AGBL1: variants seen among roughly 807,000 people sequenced by gnomAD.
AGBL1 encodes the protein AGBL carboxypeptidase 1.
Under a neutral mutation model 118.9 loss-of-function variants are expected in AGBL1, and 130 were observed. That is an observed-to-expected ratio of 1.09 (90% CI 0.95 to 1.26). AGBL1 has a LOEUF of 1.26. AGBL1 is among the 50% of genes most tolerant of loss of function. AGBL1 has a pLI of 0.00. For synonymous variants in AGBL1, 555 were observed against 478.9 expected (o/e 1.16, Z -2.08); for missense variants, 1,584 against 1,298.1 (o/e 1.22, Z -3.38).
In AGBL1 at chr15:86,338,818, CGTGAGA is replaced by C. The variant is rs558300610; in HGVS notation, c.2374+43414_2374+43419del. On this transcript the variant is annotated intron_variant, in intron 17 of 22. Transcript: ENST00000614907. ...GCTTCCTGGACCATTGAAAAAGAGT[CGTGAGA>C]GTGGATCTCCTTGCTCTGCTCTCAA... Among the ~76,000 whole-genome samples the C allele has an allele frequency of 2.9e-3, 436 of 152,202 alleles. 3 individuals carry two copies. Among genetic ancestry groups the C allele is most frequent in the South Asian group, 0.024 (114 of 4,822 alleles).
At position 86,264,793 on chromosome 15, in the gene AGBL1, C is replaced by A. The variant is rs1186872800; in HGVS notation, c.1622C>A (p.Pro541His). 1 of 1,613,614 alleles carries A rather than the reference C, an allele frequency of 6.2e-7. No individual in the cohort carries two copies. Among genetic ancestry groups the A allele is most frequent in the East Asian group, 2.2e-5 (1 of 44,878 alleles). ...CCTGATGTCTGGGGACACTGTCCCC[C>A]TCCCACCACCCAGCCTATGTTGGAA... is the stretch of plus-strand genomic sequence containing the variant. The part of the protein sequence containing the change: ...AFPDVWGHCP[P>H]PTTQPMLERK... Residue 541 changes from proline to histidine, a missense_variant, in exon 11 of 23, where the codon CCT (proline) becomes CAT (histidine). Transcript: ENST00000614907.
intron 22 of AGBL1, among the ~76,000 whole-genome samples, chr15:86,761,475 G>T (rs2078023074): frequency 6.6e-6 from 1 of 152,074 alleles, no homozygotes; most frequent in Admixed American, 6.6e-5. Context: ...TGTAGGTACA[G>T]GGATACAGAA....
chr15:86,650,643 A>G (rs1206869946), intron 21 of AGBL1, among the ~76,000 whole-genome samples: 1 of 152,152 alleles, frequency 6.6e-6, no homozygotes, highest in Non-Finnish European at 1.5e-5. Flanking sequence ...TAAAAAGGAC[A>G]AAGAAAAAAA....
In AGBL1 at chr15:86,387,608, A is replaced by T. The variant is rs140169503; in HGVS notation, c.2375-9758A>T. On this transcript the variant is annotated intron_variant, in intron 17 of 22. Transcript: ENST00000614907. ...GTAGGAAAATATGTGTATTACTTACAATTTGTGAAGAAGCTGAAAAGATTT... is the reference window on the plus strand; with the variant it reads ...GTAGGAAAATATGTGTATTACTTACTATTTGTGAAGAAGCTGAAAAGATTT... Among the ~76,000 whole-genome samples, 864 of 152,340 alleles carry T rather than the reference A, an allele frequency of 5.7e-3. 6 individuals are homozygous for T. Among genetic ancestry groups the T allele is most frequent in the African/African-American group, 0.018 (741 of 41,572 alleles).
intron 17 of AGBL1, among the ~76,000 whole-genome samples, chr15:86,392,685 A>T (rs1404706739): frequency 1.3e-5 from 2 of 152,164 alleles, no homozygotes; most frequent in African/African-American, 2.4e-5. Flanking sequence ...GATATCTCTT[A>T]GGCATTATTC....
chr15:86,489,807 GT>G (rs1567021323), intron 18 of AGBL1, among the ~76,000 whole-genome samples: 2 of 152,094 alleles, frequency 1.3e-5, no homozygotes, highest in African/African-American at 2.4e-5. Flanking sequence ...AGAGACATTC[GT>G]TCAGCAGGGG....
Position 86,134,603 on chromosome 15 carries a change from C to T in AGBL1, c.52-7401C>T, listed in dbSNP as rs74527393. Among the ~76,000 whole-genome samples the T allele has an allele frequency of 9.4e-3, 1,077 of 114,266 alleles. 24 individuals carry two copies. The highest frequency in any genetic ancestry group is 0.039 in the East Asian group (111 of 2,848). The allele number at this position is 114,266 out of a possible 152,430, so 75.0% of individuals were successfully genotyped here. On this transcript the variant is annotated intron_variant, in intron 1 of 22. Transcript: ENST00000614907. The stretch of plus-strand genomic sequence containing the variant: ...TTAAGACTGTGATGGATCAATGGTG[C>T]CTTTTTTTTTTTTTTTTTTTTTTTT...
chr15:86,743,171 ATTAT>A (rs2077703822), intron 22 of AGBL1, among the ~76,000 whole-genome samples: 1 of 152,100 alleles, frequency 6.6e-6, no homozygotes, highest in Non-Finnish European at 1.5e-5. Flanking sequence ...ATTTTTTTAA[ATTAT>A]TTATTTCGAT....
At chr15:86,513,280 T>C (rs1361908717) in intron 18 of AGBL1, among the ~76,000 whole-genome samples, 1 of 151,974 alleles carries the variant, frequency 6.6e-6, no homozygotes, top group Non-Finnish European at 1.5e-5. Context: ...TGAAGAGTAC[T>C]GGTGAGTTAT....
intron 18 of AGBL1, among the ~76,000 whole-genome samples, chr15:86,520,636 A>C (rs76994900): frequency 1.1e-3 from 168 of 152,310 alleles, no homozygotes; most frequent in African/African-American, 3.7e-3. Context: ...GCTGCTGGAC[A>C]CATGTATGCT....
intron 23 of AGBL1, chr15:86,935,046 G>A (rs1475205009): frequency 6.6e-6 from 1 of 152,074 alleles, no homozygotes; most frequent in Non-Finnish European, 1.5e-5. Context: ...CTGCAGCTGG[G>A]GTCACCTTGG....
chr15:86,322,527 T>C (rs2080119842), intron 17 of AGBL1, among the ~76,000 whole-genome samples: 1 of 152,168 alleles, frequency 6.6e-6, no homozygotes, highest in Non-Finnish European at 1.5e-5. Flanking sequence ...TTAGATTATG[T>C]CTTTGGAGGT....
At chr15:86,229,076 T>G (rs986040465) in intron 6 of AGBL1, among the ~76,000 whole-genome samples, 1 of 152,204 alleles carries the variant, frequency 6.6e-6, no homozygotes, top group Non-Finnish European at 1.5e-5. Context: ...TCCAAACACA[T>G]TTAGCTTTTT....
chr15:86,565,870 C>T (rs1031954460), intron 21 of AGBL1, among the ~76,000 whole-genome samples: 6 of 152,202 alleles, frequency 3.9e-5, no homozygotes, highest in African/African-American at 1.2e-4. Flanking sequence ...CCTTGCAGTT[C>T]GATCTCAGAC....
At chr15:86,527,568 C>A (rs946088723) in intron 19 of AGBL1, among the ~76,000 whole-genome samples, 6 of 152,144 alleles carry the variant, frequency 3.9e-5, no homozygotes, top group Non-Finnish European at 2.9e-5. Context: ...CGCTGCCACT[C>A]ACTCAGCACT....
intron 22 of AGBL1, among the ~76,000 whole-genome samples, chr15:86,693,372 A>C (rs1459790452): frequency 6.6e-6 from 1 of 151,810 alleles, no homozygotes; most frequent in Non-Finnish European, 1.5e-5. Flanking sequence ...GCATTTTTTC[A>C]TATGTTTGTT....
intron 18 of AGBL1, among the ~76,000 whole-genome samples, chr15:86,462,474 C>T (rs758021695): frequency 5.3e-5 from 8 of 151,880 alleles, no homozygotes; most frequent in African/African-American, 1.7e-4. Context: ...CTGGGATACA[C>T]GTGCAGAATG....
At chr15:86,682,908 T>G (rs17685163) in intron 22 of AGBL1, among the ~76,000 whole-genome samples, 58,000 of 152,020 alleles carry the variant, frequency 0.38, 13,474 homozygotes, top group Non-Finnish European at 0.54. Flanking sequence ...TAACATTCCC[T>G]TTTTACCAAC....
chr15:86,761,498 A>G (rs2078023419), intron 22 of AGBL1, among the ~76,000 whole-genome samples: 1 of 152,098 alleles, frequency 6.6e-6, no homozygotes, highest in African/African-American at 2.4e-5. Flanking sequence ...GGCATGTGAA[A>G]GGGAGGGTCA....
Sources: allele counts gnomAD v4.1 joint callset (sites outside exome capture counted in the v4.1 genomes callset), GRCh38; gene constraint gnomAD v4.1.1; transcripts MANE v1.5; gene names NCBI Gene and HGNC (gene_info 2026-07-23, HGNC 2026-07-21).